CFAP69: variants seen among roughly 807,000 people sequenced by gnomAD.
CFAP69 encodes cilia and flagella associated protein 69, also known as cilia- and flagella-associated protein 69.
CFAP69 carries 92 observed loss-of-function variants against 123.0 expected under a neutral mutation model. That is an observed-to-expected ratio of 0.75 (90% CI 0.63 to 0.89). The LOEUF (loss-of-function observed/expected upper bound fraction) is 0.89, where lower values mean the gene tolerates loss of function less well. Among genes scored for constraint, CFAP69 ranks in the 40% least tolerant of loss-of-function variants. The probability of loss-of-function intolerance (pLI) is 0.00; values close to 1 mark genes in which losing one functional copy is unlikely to be tolerated. For missense variants in CFAP69, 1,067 were observed against 1,096.9 expected, an observed-to-expected ratio of 0.97 and a Z score of 0.39; for synonymous variants, 380 against 364.3, an observed-to-expected ratio of 1.04 and a Z score of -0.49.
At chr7:90,310,026 TG>T (rs146337411) in intron 22 of CFAP69, 41 bp from the exon 23 acceptor site, 318,610 of 1,516,676 alleles carry the variant, frequency 0.21, 36,638 homozygotes, top group Non-Finnish European at 0.24. Context: ...TGTTGAAAAT[TG>T]TGTAAATGGA....
chr7:90,309,274 C>A lies in CFAP69; in HGVS notation c.2562C>A (p.Ser854Arg), dbSNP rs7803620. The change falls in exon 22 of 23, where the codon AGC becomes AGA. Residue 854 changes from serine (S) to arginine (R), a missense_variant. Physicochemically the swap from Ser to Arg is moderately radical, Grantham distance 110 (BLOSUM62 -1). Coordinates refer to ENST00000389297, the MANE Select transcript of CFAP69 (RefSeq NM_001039706.3). ...TTAAAAATCCTCAGAAAGCAAAAAG[C>A]CTTCAAGAAAAAGCTATAGAAGCCT... Reference protein sequence around the residue: ...SNAKTLKKAKSLQEKAIEASR... With the variant: ...SNAKTLKKAKRLQEKAIEASR... 1.5e-5 allele frequency: 23 copies of A among 1,511,838 alleles called. No homozygotes were observed. The highest frequency in any genetic ancestry group is 4.3e-5 in the Admixed American group (2 of 46,586). 93.7% of individuals were successfully genotyped at this position (1,511,838 alleles called of 1,614,324 possible).
intron 18 of CFAP69, 70 bp from the exon 19 acceptor site, chr7:90,304,667 ATAGATAG>A: frequency 6.9e-7 from 1 of 1,450,384 alleles, no homozygotes; most frequent in South Asian, 1.3e-5. Flanking sequence ...AGATAGATAG[ATAGATAG>A]ATAGATAGAT....
Position 90,309,356 on chromosome 7 carries a change from C to T in CFAP69, c.2644C>T (p.Leu882Phe). 1.3e-6 allele frequency: 2 copies of T among 1,550,300 alleles called. No homozygotes were observed. Among genetic ancestry groups the T allele is most frequent in the South Asian group, 1.2e-5 (1 of 83,010 alleles). Reference sequence around the variant, plus strand: ...ATTTCACCAAACACATATTAAAGGCCTTAACACAACGGTAAGATTCTTTCT... The same window carrying T: ...ATTTCACCAAACACATATTAAAGGCTTTAACACAACGGTAAGATTCTTTCT... ...AIFHQTHIKG[L>F]NTTVPSGGVV... Residue 882 changes from leucine (L) to phenylalanine (F), a missense_variant, in exon 22 of 23, where the codon CTT becomes TTT. Physicochemically the swap from Leu to Phe is conservative, Grantham distance 22. Coordinates refer to ENST00000389297, the MANE Select transcript of CFAP69 (RefSeq NM_001039706.3).
At chr7:90,298,571 AGTGCT>A (rs1302177767) in intron 16 of CFAP69, among the ~76,000 whole-genome samples, 2 of 152,188 alleles carry the variant, frequency 1.3e-5, no homozygotes, top group Non-Finnish European at 2.9e-5. Flanking sequence ...ATTTAGCAAA[AGTGCT>A]AAAATTATTT....
chr7:90,316,635 T>C, the CFAP69 span: 1 of 152,224 alleles, frequency 6.6e-6, no homozygotes, highest in East Asian at 1.9e-4. Context: ...TTTTTTTATA[T>C]GCAGATGACA....
At chr7:90,247,843 C>CA (rs1383839267) in intron 1 of CFAP69, among the ~76,000 whole-genome samples, 6 of 151,734 alleles carry the variant, frequency 4.0e-5, no homozygotes, top group Non-Finnish European at 5.9e-5. Flanking sequence ...GCCTCCGTCT[C>CA]AAAAAAACAA....
chr7:90,257,030 C>G (rs1382541451), intron 2 of CFAP69, among the ~76,000 whole-genome samples: 1 of 152,182 alleles, frequency 6.6e-6, no homozygotes, highest in East Asian at 1.9e-4. Context: ...CTAACACCAC[C>G]ACTTTTTAGC....
intron 12 of CFAP69, among the ~76,000 whole-genome samples, chr7:90,280,902 T>C (rs533363158): frequency 6.6e-6 from 1 of 152,354 alleles, no homozygotes; most frequent in Admixed American, 6.5e-5. Context: ...ATTCTCTAGT[T>C]TCTAATATGC....
chr7:90,311,534 G>T (rs1160693742), downstream of CFAP69, among the ~76,000 whole-genome samples: 2 of 152,152 alleles, frequency 1.3e-5, no homozygotes, highest in Non-Finnish European at 1.5e-5. Context: ...ACATAGATAG[G>T]TTCTTTCATT....
rs1014383799 is a variant in CFAP69 at position 90,299,808 on chromosome 7, A to G, written c.1858-59A>G. The G allele has an allele frequency of 7.4e-6, 9 of 1,216,248 alleles. No individual in the cohort carries two copies. The African/African-American group carries it at 1.1e-4, about 15-fold the overall frequency. 75.3% of individuals were successfully genotyped at this position (1,216,248 alleles called of 1,614,324 possible). On this transcript the variant is annotated intron_variant, in intron 16 of 22. Coordinates refer to ENST00000389297, the MANE Select transcript of CFAP69 (RefSeq NM_001039706.3). ...GAAGTGTTTCTCTCTTTTTTTTTTG[A>G]AGACAATAATTCTTAATATTTATTG... is the stretch of plus-strand genomic sequence containing the variant.
At chr7:90,253,419 C>G (rs1797259120) in intron 1 of CFAP69, among the ~76,000 whole-genome samples, 1 of 152,142 alleles carries the variant, frequency 6.6e-6, no homozygotes. Context: ...GAGACGGAGT[C>G]TCACTCTGTC....
At chr7:90,314,618 A>G (rs1287212138), downstream of CFAP69, among the ~76,000 whole-genome samples, 1 of 152,154 alleles carries the variant, frequency 6.6e-6, no homozygotes, top group East Asian at 1.9e-4. Flanking sequence ...GCCAAAAAAA[A>G]AGAAAAAGAA....
At chr7:90,305,443 A>G (rs1366230079) in intron 19 of CFAP69, among the ~76,000 whole-genome samples, 1 of 150,242 alleles carries the variant, frequency 6.7e-6, no homozygotes, top group African/African-American at 2.4e-5. Context: ...CCCAGGCTGG[A>G]GTACAATGGC....
chr7:90,319,980 T>C, the CFAP69 span, among the ~76,000 whole-genome samples: 1 of 152,234 alleles, frequency 6.6e-6, no homozygotes, highest in Non-Finnish European at 1.5e-5. Flanking sequence ...GCAACACATT[T>C]ATGAAAATGC....
rs375918700 is a variant in CFAP69 at position 90,286,431 on chromosome 7, C to A, written c.1656+32C>A. 58 of 1,603,118 alleles carry A rather than the reference C, an allele frequency of 3.6e-5. No individual in the cohort carries two copies. The African/African-American group carries it at 4.3e-4, about 12-fold the overall frequency. ...ATGCCTGTGAAAGTTTTGTTCAGGT[C>A]TCCCAGTCACCTAACACTATAAACT... is the stretch of plus-strand genomic sequence containing the variant. On this transcript the variant is annotated intron_variant, in intron 14 of 22. Coordinates refer to ENST00000389297, the MANE Select transcript of CFAP69 (RefSeq NM_001039706.3).
chr7:90,305,788 G>C (rs2117421895), intron 19 of CFAP69, among the ~76,000 whole-genome samples: 3 of 151,814 alleles, frequency 2.0e-5, no homozygotes, highest in African/African-American at 7.2e-5. Context: ...TTGATTAAAA[G>C]ATAGTAGGTT....
intron 14 of CFAP69, among the ~76,000 whole-genome samples, chr7:90,287,298 T>C (rs1790445419): frequency 6.6e-6 from 1 of 152,090 alleles, no homozygotes; most frequent in Non-Finnish European, 1.5e-5. Flanking sequence ...TCTTTACTAG[T>C]GGGTATAATG....
At position 90,255,460 on chromosome 7, in the gene CFAP69, A is replaced by G. The variant is rs369361353; in HGVS notation, c.158A>G (p.Lys53Arg). ...FKPMDLNRVI[K>R]LLEETDKDGL... is the part of the protein sequence containing the mutation. ...CCTATGGACCTTAATCGTGTCATCAAACTCCTCGAAGAGACTGATAAAGTG... is the reference window on the plus strand; with the variant it reads ...CCTATGGACCTTAATCGTGTCATCAGACTCCTCGAAGAGACTGATAAAGTG... Residue 53 changes from lysine (K) to arginine (R), a missense_variant, in exon 2 of 23, where the codon AAA (lysine) becomes AGA (arginine). Transcript: ENST00000389297. 1.7e-4 allele frequency: 276 copies of G among 1,612,738 alleles called. 3 individuals carry two copies. Among genetic ancestry groups the G allele is most frequent in the Non-Finnish European group, 2.3e-4 (270 of 1,179,338 alleles).
intron 14 of CFAP69, 84 bp downstream of exon 14, chr7:90,286,483 T>C: frequency 7.2e-7 from 1 of 1,385,554 alleles, no homozygotes; most frequent in South Asian, 1.3e-5. Context: ...ATAATTGTAT[T>C]TAATTTTGTG....
Sources: gnomAD v4.1 joint callset for allele counts (sites outside exome capture counted in the v4.1 genomes callset) on GRCh38, gnomAD v4.1.1 for gene constraint, MANE v1.5 for transcripts, NCBI Gene and HGNC (gene_info 2026-07-23, HGNC 2026-07-21) for gene names.